Variants in BRIP1 observed in about 807,000 individuals in gnomAD.
BRIP1 encodes the protein Fanconi anemia group J protein.
A neutral mutation model predicts 119.7 loss-of-function variants in BRIP1; 88 were observed. The observed-to-expected ratio is 0.74, with a 90% confidence interval of 0.62 to 0.88. BRIP1 has a LOEUF of 0.88. Ranked by LOEUF, BRIP1 falls within the 40% of genes least tolerant of loss-of-function variation. The pLI, the probability that BRIP1 is intolerant of heterozygous loss-of-function variation, is 0.00. For missense variants in BRIP1, 1,259 were observed against 1,455.4 expected, an observed-to-expected ratio of 0.87 and a Z score of 2.20; for synonymous variants, 443 against 496.5, an observed-to-expected ratio of 0.89 and a Z score of 1.43.
chr17:61,748,444 C>T lies in BRIP1; in HGVS notation c.2098-3853G>A, dbSNP rs1428308909. 1.3e-5 allele frequency among the ~76,000 whole-genome samples: 2 copies of T among 152,136 alleles called. No individual in the cohort carries two copies. The highest frequency in any genetic ancestry group is 2.9e-5 in the Non-Finnish European group (2 of 68,020). On this transcript the variant is annotated intron_variant, in intron 14 of 19. Coordinates refer to ENST00000259008, the MANE Select transcript of BRIP1 (RefSeq NM_032043.3). The surrounding 1 kb of genome is among the most constrained non-coding windows in gnomAD (Gnocchi z 4.7). The stretch of plus-strand genomic sequence containing the variant: ...GTAACTCCTATCAAAATCCCAATGA[C>T]ATTTTTTACAGAAACAGAAAAAAAT...
In BRIP1 at chr17:61,689,490, G is replaced by A. The variant is rs1226562687; in HGVS notation, c.2576-3325C>T. On this transcript the variant is annotated intron_variant, in intron 18 of 19. Coordinates refer to ENST00000259008, the MANE Select transcript of BRIP1 (RefSeq NM_032043.3). This position sits in a 1 kb window ranked among gnomAD's most constrained non-coding sequence, Gnocchi z 4.5. ...TGGGAGTCCTAGAAAGAGAAAGAGA[G>A]AAAGGAGCAGAAAGCTTATTTATAG... Among the ~76,000 whole-genome samples, 1 of 152,072 alleles carries A rather than the reference G, an allele frequency of 6.6e-6. No individual in the cohort carries two copies. Among genetic ancestry groups the A allele is most frequent in the Non-Finnish European group, 1.5e-5 (1 of 67,998 alleles).
rs959876498 is a variant in BRIP1, at chr17:61,682,128, A to C, written c.*1168T>G. On this transcript the variant is annotated 3_prime_UTR_variant, in exon 20 of 20. Transcript: ENST00000259008. This position sits in a 1 kb window ranked among gnomAD's most constrained non-coding sequence, Gnocchi z 4.9. ...TTCACAGAAAGGATTACTGTGCCCT[A>C]AGGAAACATATTTTAGCTGCAGCTA... The C allele has an allele frequency of 1.5e-5, 3 of 202,688 alleles. No homozygotes were observed. Among genetic ancestry groups the C allele is most frequent in the Admixed American group, 6.0e-5 (1 of 16,700 alleles). The allele number at this position is 202,688 out of a possible 1,614,324, so 12.6% of individuals were successfully genotyped here. A position where few individuals can be genotyped will look rare whatever the true frequency, so the allele number is the denominator to read the frequency against.
chr17:61,705,580 T>G lies in BRIP1; in HGVS notation c.2492+10371A>C, dbSNP rs1321893370. On this transcript the variant is annotated intron_variant, in intron 17 of 19. Transcript: ENST00000259008. The surrounding 1 kb of genome is among the most constrained non-coding windows in gnomAD (Gnocchi z 5.0). ...TTTATACTTGTTTTTATTACTCCTTTTTTTCCTGTTTGCCTCACATTTATT... is the reference window on the plus strand; with the variant it reads ...TTTATACTTGTTTTTATTACTCCTTGTTTTCCTGTTTGCCTCACATTTATT... Among the ~76,000 whole-genome samples, 1 of 152,164 alleles carries G rather than the reference T, an allele frequency of 6.6e-6. No individual in the cohort carries two copies. Among genetic ancestry groups the G allele is most frequent in the Non-Finnish European group, 1.5e-5 (1 of 68,012 alleles).
rs2061426168 is a variant in BRIP1 at position 61,690,121 on chromosome 17, C to T, written c.2575+3309G>A. Among the ~76,000 whole-genome samples, 2 of 152,160 alleles carry T rather than the reference C, an allele frequency of 1.3e-5. No homozygotes were observed. Among genetic ancestry groups the T allele is most frequent in the Admixed American group, 1.3e-4 (2 of 15,282 alleles). On this transcript the variant is annotated intron_variant, in intron 18 of 19. Transcript: ENST00000259008. This position sits in a 1 kb window ranked among gnomAD's most constrained non-coding sequence, Gnocchi z 5.6. The stretch of plus-strand genomic sequence containing the variant: ...GTGAAGGATATTATATCTGGTAAAG[C>T]CATCTATCAAAATGAATAGGAGGTA...
At chr17:61,688,200 G>A (rs976848242) in intron 18 of BRIP1, among the ~76,000 whole-genome samples, 9 of 152,150 alleles carry the variant, frequency 5.9e-5, no homozygotes, top group Admixed American at 2.0e-4. Flanking sequence ...AGAGTCAGGC[G>A]TGATGGCTCA....
chr17:61,711,873 AAAT>A (rs1555579458), intron 17 of BRIP1, among the ~76,000 whole-genome samples: 1 of 150,850 alleles, frequency 6.6e-6, no homozygotes, highest in South Asian at 2.1e-4. Context: ...CTCAAAAAAA[AAAT>A]AATAATAATA....
Position 61,683,130 on chromosome 17 carries a change from C to CAA in BRIP1, c.*164_*165dup, listed in dbSNP as rs111519368. The CAA allele has an allele frequency of 1.4e-4, 106 of 753,432 alleles. No homozygotes were observed. Among genetic ancestry groups the CAA allele is most frequent in the Middle Eastern group, 4.2e-4 (1 of 2,388 alleles). The allele number at this position is 753,432 out of a possible 1,614,324, so 46.7% of individuals were successfully genotyped here. ...TGGGCAACAGACCAAGACTCTGTCT[C>CAA]AAAAAAAAAAACCCAAAAACTCAAG... On this transcript the variant is annotated 3_prime_UTR_variant, in exon 20 of 20. Coordinates refer to ENST00000259008, the MANE Select transcript of BRIP1 (RefSeq NM_032043.3). The surrounding 1 kb of genome is among the most constrained non-coding windows in gnomAD (Gnocchi z 4.7).
chr17:61,706,580 C>A lies in BRIP1; in HGVS notation c.2492+9371G>T, dbSNP rs925147007. Among the ~76,000 whole-genome samples the A allele has an allele frequency of 6.6e-6, 1 of 152,070 alleles. No homozygotes were observed. The highest frequency in any genetic ancestry group is 1.5e-5 in the Non-Finnish European group (1 of 67,990). On this transcript the variant is annotated intron_variant, in intron 17 of 19. Coordinates refer to ENST00000259008, the MANE Select transcript of BRIP1 (RefSeq NM_032043.3). The surrounding 1 kb of genome is among the most constrained non-coding windows in gnomAD (Gnocchi z 5.7). ...CTTCTGGTTATTTATCTCCATATTT[C>A]TAAGGAACATTGATCCTACTACTAC...
rs933174193 is a variant in BRIP1 at position 61,846,114 on chromosome 17, G to A, written c.627+987C>T. Among the ~76,000 whole-genome samples the A allele has an allele frequency of 3.3e-5, 5 of 151,884 alleles. No individual in the cohort carries two copies. The highest frequency in any genetic ancestry group is 1.9e-4 in the East Asian group (1 of 5,174). ...GGAGAATGGCATGAACCCAGGAGGCGGAGCTTGCAGTGGGCGGAGATCACG... is the reference window on the plus strand; with the variant it reads ...GGAGAATGGCATGAACCCAGGAGGCAGAGCTTGCAGTGGGCGGAGATCACG... On this transcript the variant is annotated intron_variant, in intron 6 of 19. Transcript: ENST00000259008. This position sits in a 1 kb window ranked among gnomAD's most constrained non-coding sequence, Gnocchi z 4.3.
rs184174658 is a variant in BRIP1, at chr17:61,690,143, G to C, written c.2575+3287C>G. On this transcript the variant is annotated intron_variant, in intron 18 of 19. Transcript: ENST00000259008. The surrounding 1 kb of genome is among the most constrained non-coding windows in gnomAD (Gnocchi z 5.6). ...AAGCCATCTATCAAAATGAATAGGA[G>C]GTAAAAACTTTTCCAGATAAGCAAA... 3.2e-4 allele frequency among the ~76,000 whole-genome samples: 48 copies of C among 152,260 alleles called. 1 individual carries two copies. The South Asian group carries it at 4.8e-3, about 15-fold the overall frequency.
chr17:61,784,955 A>T (rs188874692), intron 10 of BRIP1, among the ~76,000 whole-genome samples: 27 of 152,326 alleles, frequency 1.8e-4, no homozygotes, highest in African/African-American at 6.3e-4. Context: ...ACAAACAAAG[A>T]CAATTATTAA....
intron 13 of BRIP1, among the ~76,000 whole-genome samples, chr17:61,777,467 G>C (rs1008713672): frequency 9.2e-5 from 14 of 152,240 alleles, no homozygotes; most frequent in African/African-American, 3.4e-4. Flanking sequence ...TGAGGGCTCA[G>C]TCCCCAAGAC....
intron 11 of BRIP1, among the ~76,000 whole-genome samples, chr17:61,782,485 A>G (rs1004419939): frequency 7.9e-5 from 12 of 152,156 alleles, no homozygotes; most frequent in Non-Finnish European, 7.3e-5. Context: ...TACAGGCAAC[A>G]ACAAGAAAAG....
intron 16 of BRIP1, among the ~76,000 whole-genome samples, chr17:61,731,760 A>G (rs2076846213): frequency 6.6e-6 from 1 of 151,848 alleles, no homozygotes; most frequent in Non-Finnish European, 1.5e-5. Context: ...TTTTTCTTAT[A>G]GCCTTTATCA....
At chr17:61,702,178 C>G (rs1022914473) in intron 17 of BRIP1, among the ~76,000 whole-genome samples, 1 of 152,080 alleles carries the variant, frequency 6.6e-6, no homozygotes, top group African/African-American at 2.4e-5. Context: ...TTTTTGAGGA[C>G]CTTACCCAAT....
At position 61,846,090 on chromosome 17, in the gene BRIP1, G is replaced by C; in HGVS notation, c.627+1011C>G. On this transcript the variant is annotated intron_variant, in intron 6 of 19. Transcript: ENST00000259008. This position sits in a 1 kb window ranked among gnomAD's most constrained non-coding sequence, Gnocchi z 4.3. ...CCAACTACTCGGGAGGTTGAGGCAGGAGAATGGCATGAACCCAGGAGGCGG... is the reference window on the plus strand; with the variant it reads ...CCAACTACTCGGGAGGTTGAGGCAGCAGAATGGCATGAACCCAGGAGGCGG... Among the ~76,000 whole-genome samples, 1 of 152,048 alleles carries C rather than the reference G, an allele frequency of 6.6e-6. No homozygotes were observed. The highest frequency in any genetic ancestry group is 1.9e-4 in the East Asian group (1 of 5,188).
At chr17:61,765,829 G>GCACACACACACACACA (rs71150698) in intron 14 of BRIP1, among the ~76,000 whole-genome samples, 13 of 146,542 alleles carry the variant, frequency 8.9e-5, no homozygotes, top group African/African-American at 2.0e-4. Context: ...CTATATTCAT[G>GCACACACACACACACA]CACACACACA....
Position 61,860,034 on chromosome 17 carries a change from A to G in BRIP1, c.94-127T>C. On this transcript the variant is annotated intron_variant, in intron 2 of 19. Coordinates refer to ENST00000259008, the MANE Select transcript of BRIP1 (RefSeq NM_032043.3). The surrounding 1 kb of genome is among the most constrained non-coding windows in gnomAD (Gnocchi z 4.1). ...ACTCCAGGGAACACAACAATAGCAG[A>G]AGGAACTCATATTTAGTTAAATCCA... is the stretch of plus-strand genomic sequence containing the variant. 1.5e-6 allele frequency: 1 copy of G among 688,938 alleles called. No individual in the cohort carries two copies. Among genetic ancestry groups the G allele is most frequent in the Non-Finnish European group, 2.6e-6 (1 of 382,578 alleles). 42.7% of individuals were successfully genotyped at this position (688,938 alleles called of 1,614,324 possible). A position where few individuals can be genotyped will look rare whatever the true frequency, so the allele number is the denominator to read the frequency against.
Position 61,857,285 on chromosome 17 carries a change from C to T in BRIP1, c.206-54G>A. 1 of 1,466,068 alleles carries T rather than the reference C, an allele frequency of 6.8e-7. No individual in the cohort carries two copies. Among genetic ancestry groups the T allele is most frequent in the Middle Eastern group, 1.9e-4 (1 of 5,176 alleles). 90.8% of individuals were successfully genotyped at this position (1,466,068 alleles called of 1,614,324 possible). ...TATATCTAATTAAATAAACATCAAT[C>T]ATTCTCTACAGCCCAGTTCACCCAG... On this transcript the variant is annotated intron_variant, in intron 3 of 19. Transcript: ENST00000259008. This position sits in a 1 kb window ranked among gnomAD's most constrained non-coding sequence, Gnocchi z 5.1.
Sources: gnomAD v4.1 joint callset for allele counts (sites outside exome capture counted in the v4.1 genomes callset) on GRCh38, gnomAD v4.1.1 for gene constraint, Gnocchi (gnomAD v3.1) non-coding constraint, MANE v1.5 for transcripts, NCBI Gene and HGNC (gene_info 2026-07-23, HGNC 2026-07-21) for gene names.